The following ZNF521 variants were observed in gnomAD, a reference collection of about 807,000 sequenced individuals.
ZNF521 encodes the protein LYST-interacting protein 3.
A neutral mutation model predicts 105.5 loss-of-function variants in ZNF521; 14 were observed. That is an observed-to-expected ratio of 0.13 (90% CI 0.09 to 0.21). The LOEUF (loss-of-function observed/expected upper bound fraction) is 0.21, where lower values mean the gene tolerates loss of function less well. Ranked by LOEUF, ZNF521 falls within the 10% of genes least tolerant of loss-of-function variation. The pLI, the probability that ZNF521 is intolerant of heterozygous loss-of-function variation, is 1.00. For synonymous variants in ZNF521, 635 were observed against 606.0 expected, an observed-to-expected ratio of 1.05 and a Z score of -0.70; for missense variants, 1,233 against 1,629.7, an observed-to-expected ratio of 0.76 and a Z score of 4.19.
At chr18:25,321,953 A>G (rs2145146659) in intron 3 of ZNF521, 55 bp downstream of exon 3, 1 of 1,510,364 alleles carries the variant, frequency 6.6e-7, no homozygotes, top group African/African-American at 1.4e-5. Context: ...AACAAACTGA[A>G]AAAATCAGAA....
intron 3 of ZNF521, among the ~76,000 whole-genome samples, chr18:25,279,371 G>A (rs1337924062): frequency 6.6e-6 from 1 of 152,174 alleles, no homozygotes; most frequent in East Asian, 1.9e-4. Context: ...GTGTGTAAAC[G>A]AGCTTCATAG....
intron 2 of ZNF521, among the ~76,000 whole-genome samples, chr18:25,344,428 A>G (rs1271231019): frequency 1.3e-5 from 2 of 152,236 alleles, no homozygotes; most frequent in Non-Finnish European, 2.9e-5. Context: ...TTTAAATCAG[A>G]CAAGTACGCT....
At chr18:25,269,570 TG>T (rs1441437197) in intron 3 of ZNF521, among the ~76,000 whole-genome samples, 3 of 152,004 alleles carry the variant, frequency 2.0e-5, no homozygotes, top group African/African-American at 7.2e-5. Context: ...TGCAAAAGAA[TG>T]GAAGTCATAA....
chr18:25,125,617 A>G (rs2034524086), intron 5 of ZNF521, among the ~76,000 whole-genome samples: 1 of 151,748 alleles, frequency 6.6e-6, no homozygotes, highest in South Asian at 2.1e-4. Flanking sequence ...GCATCCAATA[A>G]GTGGGCACTA....
chr18:25,173,815 C>T (rs1302642458), intron 5 of ZNF521, among the ~76,000 whole-genome samples: 1 of 152,172 alleles, frequency 6.6e-6, no homozygotes, highest in African/African-American at 2.4e-5. Flanking sequence ...ACTTGAAACA[C>T]TGGAAATATT....
At chr18:25,144,571 G>A (rs2034908221) in intron 5 of ZNF521, among the ~76,000 whole-genome samples, 1 of 152,048 alleles carries the variant, frequency 6.6e-6, no homozygotes, top group Non-Finnish European at 1.5e-5. Flanking sequence ...AAATCAAGAT[G>A]CTAACTGAAA....
Position 25,157,740 on chromosome 18 carries a change from G to A in ZNF521, c.3658+37420C>T, listed in dbSNP as rs553869864. Among the ~76,000 whole-genome samples, 56 of 152,104 alleles carry A rather than the reference G, an allele frequency of 3.7e-4. 4 individuals carry two copies. In the South Asian group the frequency reaches 0.012, roughly 32 times the overall value. ...CAACTATTACCTGTGTGGCCTTGGG[G>A]AAGCTACTAAACCTTCTTTTTTTTT... On this transcript the variant is annotated intron_variant, in intron 5 of 7. Coordinates refer to ENST00000361524, the MANE Select transcript of ZNF521 (RefSeq NM_015461.3).
At chr18:25,307,129 C>T (rs1912027772) in intron 3 of ZNF521, among the ~76,000 whole-genome samples, 1 of 152,122 alleles carries the variant, frequency 6.6e-6, no homozygotes, top group Non-Finnish European at 1.5e-5. Context: ...ATTTGGCCAC[C>T]CTCTCTACCC....
At position 25,200,566 on chromosome 18, in the gene ZNF521, C is replaced by G. The variant is rs376992368; in HGVS notation, c.3574-5322G>C. On this transcript the variant is annotated intron_variant, in intron 4 of 7. Coordinates refer to ENST00000361524, the MANE Select transcript of ZNF521 (RefSeq NM_015461.3). ...GTCTATCTAAGACACTCTCCATTCACTTCTATCAGAATCCTTATTAGACAC... is the reference window on the plus strand; with the variant it reads ...GTCTATCTAAGACACTCTCCATTCAGTTCTATCAGAATCCTTATTAGACAC... Among the ~76,000 whole-genome samples the G allele has an allele frequency of 2.0e-5, 3 of 152,150 alleles. No individual in the cohort carries two copies. The East Asian group carries it at 5.8e-4, about 29-fold the overall frequency.
chr18:25,253,174 A>T (rs899062523), intron 3 of ZNF521, among the ~76,000 whole-genome samples: 2 of 152,172 alleles, frequency 1.3e-5, no homozygotes, highest in African/African-American at 4.8e-5. Context: ...ACCTCTTAAG[A>T]TAATAGCAAA....
intron 4 of ZNF521, among the ~76,000 whole-genome samples, chr18:25,209,318 G>T (rs923024230): frequency 2.0e-5 from 3 of 151,950 alleles, no homozygotes; most frequent in Admixed American, 6.6e-5. Flanking sequence ...TTTTAGTAGA[G>T]ACAGGGTTTC....
At chr18:25,247,161 A>G (rs933639666) in intron 3 of ZNF521, among the ~76,000 whole-genome samples, 1 of 152,204 alleles carries the variant, frequency 6.6e-6, no homozygotes, top group Non-Finnish European at 1.5e-5. Context: ...ACATGGTTAC[A>G]ATGAATAGTT....
intron 5 of ZNF521, among the ~76,000 whole-genome samples, chr18:25,138,210 C>G (rs111624941): frequency 1.6e-4 from 24 of 152,216 alleles, no homozygotes; most frequent in African/African-American, 5.8e-4. Context: ...TTGAATACAA[C>G]TGAGAATATT....
chr18:25,315,880 T>G (rs908275253), intron 3 of ZNF521: 2 of 152,234 alleles, frequency 1.3e-5, no homozygotes, highest in Non-Finnish European at 2.9e-5. Context: ...AGGGTTTCTA[T>G]GGCTCTCTCA....
intron 5 of ZNF521, among the ~76,000 whole-genome samples, chr18:25,174,928 C>A (rs146857880): frequency 6.6e-6 from 1 of 152,324 alleles, no homozygotes; most frequent in African/African-American, 2.4e-5. Context: ...TAAGTACTTA[C>A]AAGTCTTCTC....
intron 3 of ZNF521, among the ~76,000 whole-genome samples, chr18:25,276,699 T>C (rs1466684834): frequency 6.6e-6 from 1 of 152,208 alleles, no homozygotes; most frequent in Non-Finnish European, 1.5e-5. Context: ...AATTTTACAC[T>C]GCCCCTTCCA....
At chr18:25,275,221 C>T (rs1909953137) in intron 3 of ZNF521, among the ~76,000 whole-genome samples, 1 of 152,158 alleles carries the variant, frequency 6.6e-6, no homozygotes, top group Non-Finnish European at 1.5e-5. Context: ...ATAAACCTTT[C>T]TATCTCATAA....
intron 2 of ZNF521, among the ~76,000 whole-genome samples, chr18:25,338,259 T>TTTTGTGTG (rs1555666852): frequency 1.1e-4 from 15 of 136,596 alleles, no homozygotes; most frequent in African/African-American, 3.8e-4. Flanking sequence ...TCATAGACTT[T>TTTTGTGTG]TGTGTGTGTG....
chr18:25,220,774 A>C (rs1905667403), intron 4 of ZNF521, among the ~76,000 whole-genome samples: 1 of 152,238 alleles, frequency 6.6e-6, no homozygotes, highest in Non-Finnish European at 1.5e-5. Context: ...AGCACACTAG[A>C]AAAAGGAGGC....
Sources: gnomAD v4.1 joint callset for allele counts (sites outside exome capture counted in the v4.1 genomes callset) on GRCh38, gnomAD v4.1.1 for gene constraint, MANE v1.5 for transcripts, NCBI Gene and HGNC (gene_info 2026-07-23, HGNC 2026-07-21) for gene names.